Variants in TECPR2 observed in about 807,000 individuals in gnomAD.
TECPR2 encodes the protein tectonin beta-propeller repeat containing 2.
In TECPR2, 65 loss-of-function variants were observed where a neutral mutation model predicts 138.1. The ratio of observed to expected loss-of-function variants is 0.47; its 90% CI spans 0.39 to 0.58. The LOEUF is 0.58. Ranked by LOEUF, TECPR2 falls within the 20% of genes least tolerant of loss-of-function variation. The pLI is 0.00. For synonymous variants in TECPR2, 746 were observed against 749.8 expected (o/e 0.99, Z 0.08); for missense variants, 1,553 against 1,824.5 (o/e 0.85, Z 2.71).
chr14:102,469,386 A>G (rs1595141755), intron 17 of TECPR2, among the ~76,000 whole-genome samples: 1 of 152,194 alleles, frequency 6.6e-6, no homozygotes, highest in Non-Finnish European at 1.5e-5. Context: ...CATTGCTAGT[A>G]TAGATTTTTG....
intron 2 of TECPR2, among the ~76,000 whole-genome samples, chr14:102,402,732 C>CA (rs1050830828): frequency 6.6e-6 from 1 of 151,954 alleles, no homozygotes; most frequent in African/African-American, 2.4e-5. Context: ...TCAACAGAAA[C>CA]AAAAAGGATT....
chr14:102,375,674 A>G (rs1887624619), intron 1 of TECPR2, among the ~76,000 whole-genome samples: 2 of 152,234 alleles, frequency 1.3e-5, no homozygotes, highest in Non-Finnish European at 2.9e-5. Flanking sequence ...GGAAGTCTCC[A>G]TAGAACCTGT....
At chr14:102,438,618 A>G (rs571448129) in intron 10 of TECPR2, among the ~76,000 whole-genome samples, 2 of 152,308 alleles carry the variant, frequency 1.3e-5, no homozygotes, top group African/African-American at 2.4e-5. Context: ...AGACGGGCCT[A>G]TGGATATGTT....
At chr14:102,425,784 C>G (rs566916299) in intron 6 of TECPR2, among the ~76,000 whole-genome samples, 1 of 151,004 alleles carries the variant, frequency 6.6e-6, no homozygotes, top group Admixed American at 6.6e-5. Context: ...CAATGTTGGT[C>G]AGGCTGGTCT....
chr14:102,456,191 G>T (rs1890273292), intron 16 of TECPR2, among the ~76,000 whole-genome samples: 1 of 152,198 alleles, frequency 6.6e-6, no homozygotes, highest in East Asian at 1.9e-4. Flanking sequence ...CTTGCTTGGG[G>T]GTGCTCTCTA....
intron 14 of TECPR2, 97 bp downstream of exon 14, chr14:102,449,966 A>T (rs1175148425): frequency 3.3e-6 from 5 of 1,535,200 alleles, no homozygotes; most frequent in Non-Finnish European, 4.4e-6. Flanking sequence ...ACTTGAAAAG[A>T]TAATTTAGTG....
chr14:102,390,259 T>A (rs1888131516), intron 2 of TECPR2, among the ~76,000 whole-genome samples: 1 of 152,200 alleles, frequency 6.6e-6, no homozygotes. Flanking sequence ...AATGGTGAGA[T>A]GTTTGTCCAG....
At chr14:102,467,319 A>ATTTTTTT (rs35221234) in intron 17 of TECPR2, among the ~76,000 whole-genome samples, 2 of 114,420 alleles carry the variant, frequency 1.7e-5, no homozygotes, top group African/African-American at 7.0e-5. Context: ...ATCCTCACCA[A>ATTTTTTT]TTTTTTTTTT....
chr14:102,470,307 ATTT>A (rs36013716), intron 17 of TECPR2, among the ~76,000 whole-genome samples: 1 of 142,264 alleles, frequency 7.0e-6, no homozygotes, highest in Non-Finnish European at 1.5e-5. Context: ...TCTATTCAGA[ATTT>A]TTTTTTTTTT....
At chr14:102,465,323 C>T (rs1890530390) in intron 17 of TECPR2, 34 bp downstream of exon 17, 1 of 1,608,072 alleles carries the variant, frequency 6.2e-7, no homozygotes, top group Admixed American at 1.7e-5. Flanking sequence ...ACTCACTCTT[C>T]AGTAAGACAG....
At chr14:102,496,071 G>T (rs937744531) in intron 17 of TECPR2, among the ~76,000 whole-genome samples, 4 of 152,264 alleles carry the variant, frequency 2.6e-5, no homozygotes, top group African/African-American at 9.6e-5. Context: ...CAGGAGATGT[G>T]TGGCGGCAGC....
At chr14:102,431,248 G>T (rs1415611064) in intron 7 of TECPR2, among the ~76,000 whole-genome samples, 1 of 150,858 alleles carries the variant, frequency 6.6e-6, no homozygotes, top group African/African-American at 2.4e-5. Flanking sequence ...GAAAGCTATG[G>T]CAAATTATTT....
At chr14:102,368,779 G>T (rs995098720) in intron 1 of TECPR2, among the ~76,000 whole-genome samples, 1 of 152,168 alleles carries the variant, frequency 6.6e-6, no homozygotes, top group Non-Finnish European at 1.5e-5. Context: ...CATGGCAGCA[G>T]TGTAGGCGAG....
At chr14:102,409,146 G>A (rs573041451) in intron 4 of TECPR2, among the ~76,000 whole-genome samples, 8 of 152,290 alleles carry the variant, frequency 5.3e-5, no homozygotes, top group East Asian at 1.9e-4. Context: ...CTTCTGCTTC[G>A]ACGCCCGTGC....
At chr14:102,495,162 C>T (rs1891246810) in intron 17 of TECPR2, among the ~76,000 whole-genome samples, 1 of 151,494 alleles carries the variant, frequency 6.6e-6, no homozygotes, top group South Asian at 2.1e-4. Flanking sequence ...TGCAGTGAGC[C>T]GGGATTGCGC....
rs559652406 is a variant in TECPR2, at chr14:102,415,660, G to A, written c.638+867G>A. On this transcript the variant is annotated intron_variant, in intron 5 of 19. Transcript: ENST00000359520. This position sits in a 1 kb window ranked among gnomAD's most constrained non-coding sequence, Gnocchi z 4.3. Reference sequence around the variant, plus strand: ...CCAACGTGGGGGTGGGAAGCAGAGGGCGGCATTAGTACAGATCATGCGTTG... The same window carrying A: ...CCAACGTGGGGGTGGGAAGCAGAGGACGGCATTAGTACAGATCATGCGTTG... 1.8e-4 allele frequency among the ~76,000 whole-genome samples: 27 copies of A among 152,270 alleles called. No homozygotes were observed. Among genetic ancestry groups the A allele is most frequent in the African/African-American group, 5.5e-4 (23 of 41,550 alleles).
intron 7 of TECPR2, among the ~76,000 whole-genome samples, chr14:102,431,018 T>C (rs1409246019): frequency 7.6e-6 from 1 of 131,312 alleles, no homozygotes; most frequent in South Asian, 2.3e-4. Flanking sequence ...TCTTAGTATT[T>C]TTTTACTTTT....
At position 102,419,419 on chromosome 14, in the gene TECPR2, T is replaced by G. The variant is rs1889117694; in HGVS notation, c.638+4626T>G. Reference sequence around the variant, plus strand: ...GGGGAACCATGTGGCCTGGTGGGAGTTTTGGGAGAGGGGCCGTGTGGCAGC... The same window carrying G: ...GGGGAACCATGTGGCCTGGTGGGAGGTTTGGGAGAGGGGCCGTGTGGCAGC... On this transcript the variant is annotated intron_variant, in intron 5 of 19. Coordinates refer to ENST00000359520, the MANE Select transcript of TECPR2 (RefSeq NM_014844.5). The surrounding 1 kb of genome is among the most constrained non-coding windows in gnomAD (Gnocchi z 4.8). Among the ~76,000 whole-genome samples, 1 of 150,516 alleles carries G rather than the reference T, an allele frequency of 6.6e-6. No individual in the cohort carries two copies. The highest frequency in any genetic ancestry group is 2.1e-4 in the South Asian group (1 of 4,698).
intron 2 of TECPR2, among the ~76,000 whole-genome samples, chr14:102,394,019 C>A (rs1429584195): frequency 6.6e-6 from 1 of 151,764 alleles, no homozygotes; most frequent in Non-Finnish European, 1.5e-5. Context: ...TTTTCAACTT[C>A]TTGCCACCAT....
Sources: gnomAD v4.1 joint callset for allele counts (sites outside exome capture counted in the v4.1 genomes callset) on GRCh38, gnomAD v4.1.1 for gene constraint, Gnocchi (gnomAD v3.1) non-coding constraint, MANE v1.5 for transcripts, NCBI Gene and HGNC (gene_info 2026-07-23, HGNC 2026-07-21) for gene names.